Variants in STK32A observed in about 807,000 individuals in gnomAD.
STK32A encodes serine/threonine-protein kinase 32A.
In STK32A, 41 loss-of-function variants were observed where a neutral mutation model predicts 53.2. The observed-to-expected ratio is 0.77, with a 90% CI of 0.60 to 1.00. The LOEUF is 1.00. Among genes scored for constraint, STK32A ranks in the 50% least tolerant of loss-of-function variants. The pLI, the probability that STK32A is intolerant of heterozygous loss-of-function variation, is 0.00. For synonymous variants in STK32A, 166 were observed against 162.8 expected, an observed-to-expected ratio of 1.02 and a Z score of -0.15; for missense variants, 458 against 485.8, an observed-to-expected ratio of 0.94 and a Z score of 0.54.
intron 11 of STK32A, among the ~76,000 whole-genome samples, chr5:147,380,948 A>G (rs1439953494): frequency 1.3e-5 from 2 of 152,210 alleles, no homozygotes; most frequent in African/African-American, 4.8e-5. Context: ...ACAAATTATT[A>G]TTACAATAAT....
intron 2 of STK32A, among the ~76,000 whole-genome samples, chr5:147,250,163 C>T (rs1353136386): frequency 1.3e-5 from 2 of 152,036 alleles, no homozygotes; most frequent in South Asian, 2.1e-4. Flanking sequence ...GATGGAGATG[C>T]GTGGGAACGG....
chr5:147,324,614 G>A (rs1754489503), intron 5 of STK32A, among the ~76,000 whole-genome samples: 1 of 152,124 alleles, frequency 6.6e-6, no homozygotes, highest in Non-Finnish European at 1.5e-5. Flanking sequence ...TAAAGCTATA[G>A]AGATAATACA....
downstream of STK32A, among the ~76,000 whole-genome samples, chr5:147,389,045 A>C (rs547436180): frequency 2.4e-4 from 36 of 152,338 alleles, no homozygotes; most frequent in African/African-American, 8.2e-4. Flanking sequence ...TTAATTCTTT[A>C]TGCACTTAGA....
intron 2 of STK32A, among the ~76,000 whole-genome samples, chr5:147,248,850 T>C (rs1030113684): frequency 7.2e-5 from 11 of 152,182 alleles, no homozygotes; most frequent in Non-Finnish European, 1.5e-4. Context: ...CCAATTATAT[T>C]CTTAAAGGAC....
At chr5:147,381,700 T>A (rs1449789263) in intron 11 of STK32A, among the ~76,000 whole-genome samples, 1 of 152,152 alleles carries the variant, frequency 6.6e-6, no homozygotes, top group Non-Finnish European at 1.5e-5. Context: ...CTTTTTGAAT[T>A]CATCTTACTT....
intron 4 of STK32A, among the ~76,000 whole-genome samples, chr5:147,315,424 CA>C (rs1449643428): frequency 6.6e-6 from 1 of 152,118 alleles, no homozygotes; most frequent in Non-Finnish European, 1.5e-5. Context: ...ATATACACTA[CA>C]ACATGGATGA....
At chr5:147,284,972 C>CA (rs1287528389) in intron 4 of STK32A, among the ~76,000 whole-genome samples, 1 of 151,924 alleles carries the variant, frequency 6.6e-6, no homozygotes. Flanking sequence ...CATATGGAAC[C>CA]AAAAAAGAAC....
chr5:147,242,443 A>C (rs527991387), intron 2 of STK32A, among the ~76,000 whole-genome samples: 2 of 152,348 alleles, frequency 1.3e-5, no homozygotes, highest in East Asian at 3.9e-4. Context: ...ATAATTTCAC[A>C]GTGCCTTAAA....
At chr5:147,329,438 G>A (rs546273821) in intron 5 of STK32A, among the ~76,000 whole-genome samples, 3 of 152,226 alleles carry the variant, frequency 2.0e-5, no homozygotes, top group Non-Finnish European at 4.4e-5. Context: ...CTATTTGCCA[G>A]TGTTCTGAAT....
chr5:147,359,107 C>T (rs962424695), intron 7 of STK32A, among the ~76,000 whole-genome samples: 7 of 152,130 alleles, frequency 4.6e-5, no homozygotes, highest in Admixed American at 3.9e-4. Flanking sequence ...AAACAAAATA[C>T]TCAGTGGCTT....
At chr5:147,338,846 G>T (rs1311512189) in intron 5 of STK32A, among the ~76,000 whole-genome samples, 1 of 152,170 alleles carries the variant, frequency 6.6e-6, no homozygotes, top group African/African-American at 2.4e-5. Flanking sequence ...AAACAGCAAA[G>T]CATTCAAGAG....
At chr5:147,397,269 T>C in the STK32A span, among the ~76,000 whole-genome samples, 1 of 151,918 alleles carries the variant, frequency 6.6e-6, no homozygotes, top group Non-Finnish European at 1.5e-5. Flanking sequence ...TAAAATGTTA[T>C]AAGTGTTTGC....
chr5:147,238,891 CAG>C (rs1753445071), intron 1 of STK32A, among the ~76,000 whole-genome samples: 2 of 151,580 alleles, frequency 1.3e-5, no homozygotes, highest in Non-Finnish European at 2.9e-5. Context: ...TAATACAACA[CAG>C]AGTTAATAAT....
chr5:147,312,080 T>C (rs1036698309), intron 4 of STK32A, among the ~76,000 whole-genome samples: 3 of 152,122 alleles, frequency 2.0e-5, no homozygotes, highest in South Asian at 2.1e-4. Flanking sequence ...TTCTTATTGC[T>C]AAAATGGAAG....
At chr5:147,319,278 A>G (rs138825676) in intron 4 of STK32A, among the ~76,000 whole-genome samples, 4,826 of 151,014 alleles carry the variant, frequency 0.032, 101 homozygotes, top group Middle Eastern at 0.076. Context: ...GAGTAGCTGG[A>G]CCTACGGGTG....
At chr5:147,312,264 T>C (rs959518405) in intron 4 of STK32A, among the ~76,000 whole-genome samples, 1 of 149,830 alleles carries the variant, frequency 6.7e-6, no homozygotes, top group African/African-American at 2.5e-5. Flanking sequence ...CATGCCCAGC[T>C]AATTTTTTTT....
rs1561756564 is a variant in STK32A at position 147,375,195 on chromosome 5, A to G, written c.1009A>G (p.Met337Val). 5.6e-6 allele frequency: 9 copies of G among 1,611,010 alleles called. No homozygotes were observed. Among genetic ancestry groups the G allele is most frequent in the Non-Finnish European group, 7.6e-6 (9 of 1,178,666 alleles). Residue 337 changes from methionine (M) to valine (V), a missense_variant, in exon 11 of 13, where the codon ATG becomes GTG. Met to Val is a conservative substitution (Grantham distance 21, BLOSUM62 1). Coordinates refer to ENST00000397936, the MANE Select transcript of STK32A (RefSeq NM_001112724.2). Reference protein sequence around the residue: ...KKRLAKKEKDMRKCDSSQTCL... With the variant: ...KKRLAKKEKDVRKCDSSQTCL... ...GCGTCTGGCAAAGAAGGAGAAGGAT[A>G]TGAGGAAATGCGATTCTTCTCAGGT...
chr5:147,357,730 CA>C (rs370621311), intron 7 of STK32A, among the ~76,000 whole-genome samples: 3 of 151,946 alleles, frequency 2.0e-5, no homozygotes, highest in Non-Finnish European at 2.9e-5. Context: ...ATTATGGTTT[CA>C]TTTTTTTACT....
At chr5:147,326,126 C>A (rs1414977765) in intron 5 of STK32A, among the ~76,000 whole-genome samples, 2 of 152,160 alleles carry the variant, frequency 1.3e-5, no homozygotes, top group Non-Finnish European at 2.9e-5. Context: ...AATATTGATA[C>A]AATTTTTCCC....
Sources: gnomAD v4.1 joint callset for allele counts (sites outside exome capture counted in the v4.1 genomes callset) on GRCh38, gnomAD v4.1.1 for gene constraint, MANE v1.5 for transcripts, NCBI Gene and HGNC (gene_info 2026-07-23, HGNC 2026-07-21) for gene names.